Variants in ENPP2 observed in about 807,000 individuals in gnomAD.
ENPP2 encodes autotaxin.
Under a neutral mutation model 120.2 loss-of-function variants are expected in ENPP2, and 51 were observed. The ratio of observed to expected loss-of-function variants is 0.42; its 90% CI spans 0.34 to 0.54. The LOEUF is 0.54. Ranked by LOEUF, ENPP2 falls within the 20% of genes least tolerant of loss-of-function variation. The pLI is 0.04. For missense variants in ENPP2, 920 were observed against 1,066.5 expected, an observed-to-expected ratio of 0.86 and a Z score of 1.91; for synonymous variants, 365 against 366.4, an observed-to-expected ratio of 1.00 and a Z score of 0.04.
chr8:119,637,626 A>G (rs1300409232), intron 2 of ENPP2, among the ~76,000 whole-genome samples: 1 of 152,192 alleles, frequency 6.6e-6, no homozygotes, highest in Non-Finnish European at 1.5e-5. Context: ...ATTGTTCCCT[A>G]GAGTGCCCAT....
intron 11 of ENPP2, among the ~76,000 whole-genome samples, chr8:119,594,124 G>A (rs1427672804): frequency 6.6e-6 from 1 of 152,144 alleles, no homozygotes; most frequent in Admixed American, 6.5e-5. Flanking sequence ...TATTGTTAAT[G>A]AAAATTCTTT....
intron 2 of ENPP2, among the ~76,000 whole-genome samples, chr8:119,631,725 C>A (rs1287030017): frequency 6.6e-6 from 1 of 152,164 alleles, no homozygotes. Flanking sequence ...TCTTTCACGA[C>A]AAGCTCTAGT....
At chr8:119,601,362 T>G (rs1231829296) in intron 10 of ENPP2, 35 bp downstream of exon 10, 1 of 1,354,312 alleles carries the variant, frequency 7.4e-7, no homozygotes, top group Non-Finnish European at 1.1e-6. Context: ...AAGATAGAAA[T>G]GTACTGAAGA....
Position 119,616,368 on chromosome 8 carries a change from G to A in ENPP2, c.674C>T (p.Ser225Leu). 1 of 1,602,624 alleles carries A rather than the reference G, an allele frequency of 6.2e-7. No individual in the cohort carries two copies. The highest frequency in any genetic ancestry group is 1.1e-5 in the South Asian group (1 of 90,128). ...CATTGAATTGCCAACAATTCCATGT[G>A]ATTCTGGATATAGCCCCTTTTTGTA... ...YTLATGLYPE[S>L]HGIVGNSMYD... is the part of the protein sequence containing the mutation. Residue 225 changes from serine (S) to leucine (L), a missense_variant, in exon 8 of 25, where the codon TCA becomes TTA. Ser to Leu is a moderately radical substitution (Grantham distance 145). Transcript: ENST00000075322.
intron 15 of ENPP2, among the ~76,000 whole-genome samples, chr8:119,585,925 GAGAC>G (rs939936000): frequency 6.6e-5 from 8 of 120,444 alleles, no homozygotes; most frequent in African/African-American, 2.9e-4. Flanking sequence ...AAGGATGAAA[GAGAC>G]ACACACACAC....
At chr8:119,590,342 A>G (rs560946748) in intron 13 of ENPP2, among the ~76,000 whole-genome samples, 163 bp downstream of exon 13, 1 of 152,290 alleles carries the variant, frequency 6.6e-6, no homozygotes, top group East Asian at 1.9e-4. Flanking sequence ...TTTTCAGATG[A>G]AAAAACTGAG....
At chr8:119,576,676 T>C (rs1055831638) in intron 19 of ENPP2, among the ~76,000 whole-genome samples, 1 of 152,206 alleles carries the variant, frequency 6.6e-6, no homozygotes, top group African/African-American at 2.4e-5. Flanking sequence ...AGTGCCAGAA[T>C]TGCTTGCTAC....
Position 119,616,281 on chromosome 8 carries a change from C to A in ENPP2, c.761G>T (p.Trp254Leu). The A allele has an allele frequency of 6.2e-7, 1 of 1,605,150 alleles. No homozygotes were observed. Among genetic ancestry groups the A allele is most frequent in the Non-Finnish European group, 8.5e-7 (1 of 1,173,766 alleles). Residue 254 changes from tryptophan to leucine, a missense_variant, in exon 8 of 25, where the codon TGG (tryptophan) becomes TTG (leucine). Physicochemically the swap from Trp to Leu is moderately conservative, Grantham distance 61. Transcript: ENST00000075322. ...LRGREKFNHR[W>L]WGGQPLWITA... is the part of the protein sequence containing the mutation. ...AAAACTTACCGGTTGACCTCCCCAC[C>A]ATCTATGATTAAATTTCTCTCGCCC...
rs554534913 is a variant in ENPP2 at position 119,624,498 on chromosome 8, A to G, written c.292+2067T>C. On this transcript the variant is annotated intron_variant, in intron 3 of 24. Transcript: ENST00000075322. ...ATTTAAATTTAAAAAAAATGCACAT[A>G]TACTTTGACCCCAAAATCCCACTTC... is the stretch of plus-strand genomic sequence containing the variant. Among the ~76,000 whole-genome samples the G allele has an allele frequency of 3.3e-5, 5 of 152,310 alleles. No homozygotes were observed. In the South Asian group the frequency reaches 1.0e-3, roughly 32 times the overall value.
intron 24 of ENPP2, among the ~76,000 whole-genome samples, chr8:119,559,224 G>C (rs1411524246): frequency 6.6e-6 from 1 of 152,164 alleles, no homozygotes; most frequent in African/African-American, 2.4e-5. Flanking sequence ...GAGGTCTCCA[G>C]ATGGGTCAGG....
intron 23 of ENPP2, among the ~76,000 whole-genome samples, chr8:119,563,942 T>C (rs1814177927): frequency 6.6e-6 from 1 of 151,194 alleles, no homozygotes; most frequent in Non-Finnish European, 1.5e-5. Context: ...TGTATAAAAT[T>C]AAATAACAAC....
rs538727518 is a variant in ENPP2, at chr8:119,578,113, C to A, written c.1780+2003G>T. ...TCGCCCAGGTTGCAGTGCAGTGGTG[C>A]GATCTCAGCTCACTGCAACCTCTGC... On this transcript the variant is annotated intron_variant, in intron 19 of 24. Coordinates refer to ENST00000075322, the MANE Select transcript of ENPP2 (RefSeq NM_001040092.3). Among the ~76,000 whole-genome samples the A allele has an allele frequency of 2.6e-5, 4 of 152,090 alleles. No individual in the cohort carries two copies. In the South Asian group the frequency reaches 6.2e-4, roughly 24 times the overall value.
At chr8:119,614,310 C>G (rs1375814251) in intron 8 of ENPP2, among the ~76,000 whole-genome samples, 1 of 152,000 alleles carries the variant, frequency 6.6e-6, no homozygotes, top group South Asian at 2.1e-4. Context: ...CATGATCCAC[C>G]CACCTCAGCC....
At chr8:119,596,939 A>G (rs1313066138) in intron 11 of ENPP2, among the ~76,000 whole-genome samples, 1 of 152,060 alleles carries the variant, frequency 6.6e-6, no homozygotes, top group Non-Finnish European at 1.5e-5. Context: ...CTGATGGTGC[A>G]AAGGTGAATT....
intron 21 of ENPP2, among the ~76,000 whole-genome samples, chr8:119,568,918 T>G (rs1472699087): frequency 6.6e-6 from 1 of 152,200 alleles, no homozygotes; most frequent in African/African-American, 2.4e-5. Flanking sequence ...CAAGCAATCT[T>G]AAGAGATCCC....
intron 1 of ENPP2, among the ~76,000 whole-genome samples, chr8:119,669,130 G>A (rs901454819): frequency 3.9e-5 from 6 of 152,194 alleles, no homozygotes; most frequent in African/African-American, 1.4e-4. Flanking sequence ...TATCAATGAT[G>A]CTGAATAAAC....
intron 1 of ENPP2, among the ~76,000 whole-genome samples, chr8:119,668,711 G>A (rs1283871961): frequency 6.6e-6 from 1 of 152,110 alleles, no homozygotes; most frequent in East Asian, 1.9e-4. Flanking sequence ...ACAGGCATGA[G>A]CCACTGCACC....
At chr8:119,650,702 G>A (rs17803964) in intron 1 of ENPP2, among the ~76,000 whole-genome samples, 14,240 of 152,140 alleles carry the variant, frequency 0.094, 915 homozygotes, top group South Asian at 0.2. Flanking sequence ...TGCTCTTAAC[G>A]AGCCCCTGTG....
intron 1 of ENPP2, among the ~76,000 whole-genome samples, chr8:119,668,085 A>G (rs1818127213): frequency 6.6e-6 from 1 of 152,176 alleles, no homozygotes; most frequent in Admixed American, 6.5e-5. Flanking sequence ...TCTAGATTAA[A>G]TATCCCTTCT....
Sources: gnomAD v4.1 joint callset for allele counts (sites outside exome capture counted in the v4.1 genomes callset) on GRCh38, gnomAD v4.1.1 for gene constraint, MANE v1.5 for transcripts, NCBI Gene and HGNC (gene_info 2026-07-23, HGNC 2026-07-21) for gene names.